RGS22: variants seen among roughly 807,000 people sequenced by gnomAD.
RGS22 encodes the protein regulator of G-protein signaling 22.
RGS22 carries 148 observed loss-of-function variants against 172.9 expected under a neutral mutation model. The observed-to-expected ratio is 0.86, with a 90% CI of 0.75 to 0.98. The LOEUF is 0.98. Ranked by LOEUF, RGS22 falls within the 50% of genes least tolerant of loss-of-function variation. The pLI is 0.00. For missense variants in RGS22, 1,347 were observed against 1,440.8 expected, an observed-to-expected ratio of 0.93 and a Z score of 1.05; for synonymous variants, 458 against 480.2, an observed-to-expected ratio of 0.95 and a Z score of 0.60.
intron 14 of RGS22, among the ~76,000 whole-genome samples, chr8:100,033,334 A>T (rs1819057882): frequency 6.6e-6 from 1 of 152,208 alleles, no homozygotes; most frequent in Admixed American, 6.5e-5. Context: ...GATAAAGGAG[A>T]TATCACCACT....
intron 1 of RGS22, 119 bp from the exon 2 acceptor site, chr8:100,105,521 G>T (rs945142705): frequency 3.6e-6 from 3 of 827,170 alleles, no homozygotes; most frequent in African/African-American, 1.7e-5. Context: ...GCACATTTCT[G>T]GCCCTCTGTT....
intron 3 of RGS22, among the ~76,000 whole-genome samples, chr8:100,089,771 T>A (rs1272265528): frequency 6.6e-6 from 1 of 152,154 alleles, no homozygotes; most frequent in Non-Finnish European, 1.5e-5. Context: ...TTTGTTTTGG[T>A]CCATTTCACA....
intron 23 of RGS22, among the ~76,000 whole-genome samples, chr8:99,968,062 G>A (rs1191575103): frequency 6.6e-6 from 1 of 152,212 alleles, no homozygotes; most frequent in Non-Finnish European, 1.5e-5. Context: ...TTGTTCTGCA[G>A]CCTCTGCCGG....
At chr8:100,014,497 G>A (rs13276275) in intron 14 of RGS22, among the ~76,000 whole-genome samples, 38,791 of 151,928 alleles carry the variant, frequency 0.26, 6,203 homozygotes, top group East Asian at 0.43. Context: ...CCACATAATC[G>A]CCAATTCAAT....
chr8:100,036,879 A>ATGTACTGGGATTACAGGCG (rs1348029316), intron 14 of RGS22, among the ~76,000 whole-genome samples: 1 of 152,194 alleles, frequency 6.6e-6, no homozygotes, highest in East Asian at 1.9e-4. Context: ...GATTACAGGC[A>ATGTACTGGGATTACAGGCG]TGAGCTAACA....
Position 100,008,407 on chromosome 8 carries a change from T to G in RGS22, c.2329A>C (p.Met777Leu). The G allele has an allele frequency of 6.2e-7, 1 of 1,611,748 alleles. No homozygotes were observed. The highest frequency in any genetic ancestry group is 1.1e-5 in the South Asian group (1 of 90,212). Reference protein sequence around the residue: ...LLLLLEPWTKMVKSDQIAYKK... With the variant: ...LLLLLEPWTKLVKSDQIAYKK... Reference sequence around the variant, plus strand: ...TAAGCAATTTGGTCCGATTTTACCATCTTTGTCCATGGCTCAAGAAGGAGG... The same window carrying G: ...TAAGCAATTTGGTCCGATTTTACCAGCTTTGTCCATGGCTCAAGAAGGAGG... The change falls in exon 15 of 28, where the codon ATG becomes CTG. Residue 777 changes from methionine to leucine, a missense_variant. Coordinates refer to ENST00000360863, the MANE Select transcript of RGS22 (RefSeq NM_015668.5).
At chr8:100,013,415 T>G (rs1816628763) in intron 14 of RGS22, among the ~76,000 whole-genome samples, 1 of 152,156 alleles carries the variant, frequency 6.6e-6, no homozygotes, top group East Asian at 1.9e-4. Context: ...TCTATTTCCC[T>G]TCTCTTTTAC....
intron 14 of RGS22, among the ~76,000 whole-genome samples, chr8:100,009,860 G>A (rs567015577): frequency 6.6e-6 from 1 of 152,186 alleles, no homozygotes; most frequent in Non-Finnish European, 1.5e-5. Context: ...ACCTGGCTAG[G>A]TGCTATGTAT....
intron 14 of RGS22, among the ~76,000 whole-genome samples, chr8:100,036,441 C>T (rs1364074890): frequency 6.6e-6 from 1 of 152,166 alleles, no homozygotes; most frequent in Admixed American, 6.5e-5. Flanking sequence ...CCTTCCCCAT[C>T]TAGTCTGAAT....
intron 21 of RGS22, among the ~76,000 whole-genome samples, chr8:99,983,402 C>G (rs1013879386): frequency 2.0e-5 from 3 of 152,172 alleles, no homozygotes; most frequent in Non-Finnish European, 4.4e-5. Flanking sequence ...AGTGGCTGGA[C>G]TAATTTACAT....
chr8:100,043,103 C>G (rs1002223998), intron 11 of RGS22, among the ~76,000 whole-genome samples: 1 of 152,178 alleles, frequency 6.6e-6, no homozygotes, highest in South Asian at 2.1e-4. Flanking sequence ...CTGGCAGTTG[C>G]CTATTATCGG....
rs144724491 is a variant in RGS22 at position 99,971,453 on chromosome 8, G to C, written c.3520-6023C>G. 1.0e-3 allele frequency among the ~76,000 whole-genome samples: 158 copies of C among 152,288 alleles called. 4 individuals are homozygous for C. In the East Asian group the frequency reaches 0.028, roughly 27 times the overall value. On this transcript the variant is annotated intron_variant, in intron 23 of 27. Transcript: ENST00000360863. ...AGTCAAATTGTCTCTGTTTGCAGAT[G>C]ACAGGATTGTATATTTAGAAAACCC...
At chr8:100,048,550 C>T (rs1263425716) in intron 10 of RGS22, among the ~76,000 whole-genome samples, 1 of 151,920 alleles carries the variant, frequency 6.6e-6, no homozygotes, top group East Asian at 1.9e-4. Context: ...TTTTATTATC[C>T]AGAACAAACA....
chr8:100,033,916 C>G (rs1358380188), intron 14 of RGS22, among the ~76,000 whole-genome samples: 1 of 152,132 alleles, frequency 6.6e-6, no homozygotes, highest in East Asian at 1.9e-4. Context: ...ATTCAACAGC[C>G]ATTCATGCTA....
chr8:100,074,036 A>G (rs910463304), intron 4 of RGS22, among the ~76,000 whole-genome samples: 2 of 152,192 alleles, frequency 1.3e-5, no homozygotes, highest in African/African-American at 4.8e-5. Flanking sequence ...AAAAGAATCT[A>G]TCTAAGGTGA....
rs1480174301 is a variant in RGS22, at chr8:100,051,945, TTATATATAAATGTTTA to T, written c.1689+841_1689+856del. 1.7e-4 allele frequency among the ~76,000 whole-genome samples: 9 copies of T among 52,524 alleles called. 4 individuals are homozygous for T. The highest frequency in any genetic ancestry group is 8.0e-4 in the African/African-American group (9 of 11,284). 34.5% of individuals were successfully genotyped at this position (52,524 alleles called of 152,430 possible). A position where few individuals can be genotyped will look rare whatever the true frequency, so the allele number is the denominator to read the frequency against. On this transcript the variant is annotated intron_variant, in intron 10 of 27. Transcript: ENST00000360863. ...TAAATGTTTATATATATTTATATAT[TTATATATAAATGTTTA>T]TATATATTTATATATAAATGTTTAT... is the stretch of plus-strand genomic sequence containing the variant.
Position 100,008,382 on chromosome 8 carries a change from T to C in RGS22, c.2354A>G (p.Tyr785Cys). ...TKMVKSDQIAYKKVELVEETR... is the reference protein window; with the variant it reads ...TKMVKSDQIACKKVELVEETR... Reference sequence around the variant, plus strand: ...TTATCGGTGGCACGGTACCTTTTTATAAGCAATTTGGTCCGATTTTACCAT... The same window carrying C: ...TTATCGGTGGCACGGTACCTTTTTACAAGCAATTTGGTCCGATTTTACCAT... Residue 785 changes from tyrosine (Y) to cysteine (C), a missense_variant, in exon 15 of 28, where the codon TAT becomes TGT. Tyr to Cys is a radical substitution (Grantham distance 194). Transcript: ENST00000360863. 5 of 1,608,838 alleles carry C rather than the reference T, an allele frequency of 3.1e-6. No homozygotes were observed. Among genetic ancestry groups the C allele is most frequent in the Non-Finnish European group, 4.2e-6 (5 of 1,178,884 alleles).
intron 24 of RGS22, among the ~76,000 whole-genome samples, chr8:99,964,525 A>G (rs1301881678): frequency 1.3e-5 from 2 of 150,202 alleles, no homozygotes; most frequent in African/African-American, 4.9e-5. Flanking sequence ...CTCTAACTGG[A>G]CCCTGATATC....
chr8:100,095,741 G>C (rs1812916057), intron 2 of RGS22, among the ~76,000 whole-genome samples: 1 of 152,132 alleles, frequency 6.6e-6, no homozygotes, highest in Non-Finnish European at 1.5e-5. Context: ...TTGGTGACTT[G>C]ACATTTCCTA....
Sources: gnomAD v4.1 joint callset for allele counts (sites outside exome capture counted in the v4.1 genomes callset) on GRCh38, gnomAD v4.1.1 for gene constraint, MANE v1.5 for transcripts, NCBI Gene and HGNC (gene_info 2026-07-23, HGNC 2026-07-21) for gene names.